DNAJA3: variants seen among roughly 807,000 people sequenced by gnomAD.
DNAJA3 encodes the protein DnaJ heat shock protein family (Hsp40) member A3.
DNAJA3 carries 29 observed loss-of-function variants against 54.9 expected under a neutral mutation model. That is an observed-to-expected ratio of 0.53 (90% CI 0.39 to 0.72). The LOEUF is 0.72. DNAJA3 is among the 30% of genes least tolerant of loss of function. DNAJA3 has a pLI of 0.00. For missense variants in DNAJA3, 708 were observed against 639.4 expected (o/e 1.11, Z -1.16); for synonymous variants, 302 against 251.4 (o/e 1.20, Z -1.90).
intron 8 of DNAJA3, chr16:4,448,065 T>C (rs182571836): frequency 0.015 from 1,994 of 135,962 alleles, 21 homozygotes; most frequent in Non-Finnish European, 0.022. Context: ...AGTCTTGCTC[T>C]GTCGCCAGGC....
chr16:4,442,047 C>T (rs1022486797), intron 4 of DNAJA3, among the ~76,000 whole-genome samples: 5 of 152,068 alleles, frequency 3.3e-5, no homozygotes, highest in African/African-American at 4.8e-5. Flanking sequence ...GTTGAAAGTA[C>T]GTTTTCATTT....
chr16:4,454,929 T>G lies in DNAJA3; in HGVS notation c.*13+2T>G. The G allele has an allele frequency of 6.3e-7, 1 of 1,598,868 alleles. No homozygotes were observed. Among genetic ancestry groups the G allele is most frequent in the Non-Finnish European group, 8.6e-7 (1 of 1,167,346 alleles). On this transcript the variant is annotated splice_donor_variant, in intron 11 of 11. Transcript: ENST00000262375. LOFTEE classifies it low-confidence loss of function (3UTR_SPLICE). ...TTACCTCATGATATCCCAGCCGAGGTAGGAAAACCCTGGAGGTTTTTTTTC... is the reference window on the plus strand; with the variant it reads ...TTACCTCATGATATCCCAGCCGAGGGAGGAAAACCCTGGAGGTTTTTTTTC...
Position 4,440,083 on chromosome 16 carries a change from G to A in DNAJA3, c.430-1292G>A, listed in dbSNP as rs183404003. ...CTCCCAAGTAGCTGGAACTATAGGC[G>A]TGCACCACCATTCTTGGTTAATTTT... On this transcript the variant is annotated intron_variant, in intron 3 of 11. Transcript: ENST00000262375. 3.2e-3 allele frequency among the ~76,000 whole-genome samples: 489 copies of A among 151,896 alleles called. 6 individuals carry two copies. Among genetic ancestry groups the A allele is most frequent in the Non-Finnish European group, 4.4e-3 (300 of 67,950 alleles).
intron 3 of DNAJA3, among the ~76,000 whole-genome samples, chr16:4,438,040 G>C (rs1332123294): frequency 6.6e-6 from 1 of 152,054 alleles, no homozygotes; most frequent in Non-Finnish European, 1.5e-5. Context: ...ATCCAGGCCA[G>C]GCGTGGTGGC....
chr16:4,442,488 A>G, intron 5 of DNAJA3, 68 bp downstream of exon 5: 1 of 1,473,278 alleles, frequency 6.8e-7, no homozygotes, highest in Non-Finnish European at 9.1e-7. Context: ...TGGTTGTGGC[A>G]CTGCTCCCAG....
chr16:4,442,200 T>G, intron 4 of DNAJA3, 68 bp from the exon 5 acceptor site: 2 of 1,497,970 alleles, frequency 1.3e-6, no homozygotes, highest in South Asian at 1.4e-5. Context: ...CTCCTTTCCC[T>G]TTAGAGCCGA....
chr16:4,447,056 T>C (rs779919707), intron 8 of DNAJA3, 42 bp downstream of exon 8: 4 of 1,589,898 alleles, frequency 2.5e-6, no homozygotes, highest in Non-Finnish European at 3.4e-6. Context: ...CTGTACTTTA[T>C]TGCTCTTTTT....
At chr16:4,449,508 T>A (rs901303829) in intron 9 of DNAJA3, 1 of 152,218 alleles carries the variant, frequency 6.6e-6, no homozygotes, top group African/African-American at 2.4e-5. Context: ...GCCTCCCGAG[T>A]AGCTGGGACT....
chr16:4,433,421 T>G (rs777239681), intron 1 of DNAJA3: 1 of 152,178 alleles, frequency 6.6e-6, no homozygotes, highest in Non-Finnish European at 1.5e-5. Flanking sequence ...GGGGACACTT[T>G]TACTTCCCAG....
At chr16:4,447,345 G>C (rs912843914) in intron 8 of DNAJA3, 1 of 257,474 alleles carries the variant, frequency 3.9e-6, no homozygotes, top group Non-Finnish European at 7.5e-6. Flanking sequence ...CTGGCTCCAA[G>C]AGCAGAAGAC....
rs201131890 is a variant in DNAJA3 at position 4,454,870 on chromosome 16, G to T, written c.1399G>T (p.Glu467Ter). The T allele has an allele frequency of 1.5e-5, 24 of 1,614,128 alleles. No homozygotes were observed. The highest frequency in any genetic ancestry group is 1.9e-5 in the Non-Finnish European group (22 of 1,179,990). The change falls in exon 11 of 12, where the codon GAG (glutamate) becomes TAG (stop). Residue 467 changes from glutamate to a stop codon, truncating the protein, a stop_gained. Transcript: ENST00000262375. LOFTEE classifies it high-confidence loss of function. The part of the protein sequence containing the change: ...SKARREAGED[E>*]EGFLSKLKKM... The stretch of plus-strand genomic sequence containing the variant: ...GGCTAGGCGTGAGGCTGGGGAGGAC[G>T]AGGAGGGATTCCTTTCCAAACTTAA...
At chr16:4,446,751 C>T (rs2141388830) in intron 7 of DNAJA3, 135 bp from the exon 8 acceptor site, 1 of 1,039,520 alleles carries the variant, frequency 9.6e-7, no homozygotes, top group East Asian at 2.5e-5. Flanking sequence ...ACAGTTCTTT[C>T]CCTCAACACT....
intron 2 of DNAJA3, among the ~76,000 whole-genome samples, chr16:4,437,070 A>G (rs546963527): frequency 6.6e-6 from 1 of 152,290 alleles, no homozygotes; most frequent in Non-Finnish European, 1.5e-5. Context: ...TCCCAGGTTC[A>G]AGTGATTCTC....
rs547808370 is a variant in DNAJA3 at position 4,455,474 on chromosome 16, C to T, written c.*14-72C>T. ...GGCACAGCTGCTTTCCAGGGATTAA[C>T]AGACGCTCCCCACAGGGGTGTGTTC... On this transcript the variant is annotated intron_variant, in intron 11 of 11. Transcript: ENST00000262375. 33 of 1,524,734 alleles carry T rather than the reference C, an allele frequency of 2.2e-5. No homozygotes were observed. In the African/African-American group the frequency reaches 4.1e-4, roughly 19 times the overall value. 94.5% of individuals were successfully genotyped at this position (1,524,734 alleles called of 1,614,324 possible).
chr16:4,448,942 A>G, intron 9 of DNAJA3, 94 bp downstream of exon 9: 3 of 869,988 alleles, frequency 3.4e-6, no homozygotes, highest in Non-Finnish European at 3.7e-6. Flanking sequence ...TGCTCCCTGT[A>G]AGTCAGGTGG....
chr16:4,453,648 T>C (rs2057002626), intron 10 of DNAJA3, among the ~76,000 whole-genome samples: 1 of 151,986 alleles, frequency 6.6e-6, no homozygotes, highest in South Asian at 2.1e-4. Flanking sequence ...TCGAGGCCGG[T>C]CTCGAACTCC....
At chr16:4,441,788 A>G (rs1013202692) in intron 4 of DNAJA3, among the ~76,000 whole-genome samples, 1 of 152,142 alleles carries the variant, frequency 6.6e-6, no homozygotes, top group Non-Finnish European at 1.5e-5. Context: ...ACAGTTGCAT[A>G]ATGAGGTAGC....
At chr16:4,435,057 C>T (rs572395658) in intron 2 of DNAJA3, among the ~76,000 whole-genome samples, 6 of 151,914 alleles carry the variant, frequency 3.9e-5, no homozygotes, top group Non-Finnish European at 5.9e-5. Flanking sequence ...CCACCACACC[C>T]GGCTAATTTT....
At chr16:4,450,879 T>C (rs1226879908) in intron 10 of DNAJA3, among the ~76,000 whole-genome samples, 1 of 152,126 alleles carries the variant, frequency 6.6e-6, no homozygotes, top group Admixed American at 6.5e-5. Context: ...ATTGGAAGGA[T>C]TTGTGCACTT....
Sources: gnomAD v4.1 joint callset for allele counts (sites outside exome capture counted in the v4.1 genomes callset) on GRCh38, gnomAD v4.1.1 for gene constraint, MANE v1.5 for transcripts, NCBI Gene and HGNC (gene_info 2026-07-23, HGNC 2026-07-21) for gene names.